The following ALPK2 variants were observed in gnomAD, a reference collection of about 807,000 sequenced individuals.
The protein encoded by ALPK2 is alpha-protein kinase 2.
A neutral mutation model predicts 163.1 loss-of-function variants in ALPK2; 127 were observed. The observed-to-expected ratio is 0.78, with a 90% CI of 0.67 to 0.90. The LOEUF (loss-of-function observed/expected upper bound fraction) is 0.90. Among genes scored for constraint, ALPK2 ranks in the 40% least tolerant of loss-of-function variants. ALPK2 has a pLI of 0.00. For missense variants in ALPK2, 2,360 were observed against 2,589.6 expected (o/e 0.91, Z 1.92); for synonymous variants, 953 against 959.1 (o/e 0.99, Z 0.12).
At chr18:58,494,915 T>C (rs1338809895) in intron 12 of ALPK2, among the ~76,000 whole-genome samples, 1 of 152,200 alleles carries the variant, frequency 6.6e-6, no homozygotes, top group Non-Finnish European at 1.5e-5. Flanking sequence ...AGCTTTGACA[T>C]TCACTGGAGA....
chr18:58,611,666 T>A (rs201806737), intron 2 of ALPK2, 23 bp downstream of exon 2: 808 of 1,593,182 alleles, frequency 5.1e-4, no homozygotes, highest in Non-Finnish European at 6.6e-4. Flanking sequence ...TAGAGGGTGA[T>A]TAGCTAGTCT....
rs142220132 is a variant in ALPK2, at chr18:58,579,235, G to A, written c.1541C>T (p.Thr514Met). The change falls in exon 4 of 13, where the codon ACG becomes ATG. Residue 514 changes from threonine to methionine, a missense_variant. Physicochemically the swap from Thr to Met is moderately conservative, Grantham distance 81. Transcript: ENST00000361673. ...ENSGMSQCWETAADKRVGGKD... is the reference protein window; with the variant it reads ...ENSGMSQCWEMAADKRVGGKD... The stretch of plus-strand genomic sequence containing the variant: ...TCCCCCCACTCTCTTGTCAGCTGCC[G>A]TCTCCCAACACTGGCTCATCCCTGA... 6.8e-5 allele frequency: 110 copies of A among 1,613,758 alleles called. No individual in the cohort carries two copies. The highest frequency in any genetic ancestry group is 9.1e-5 in the Non-Finnish European group (107 of 1,179,968).
intron 1 of ALPK2, among the ~76,000 whole-genome samples, chr18:58,614,981 A>ATT (rs36032036): frequency 5.2e-4 from 73 of 140,302 alleles, no homozygotes; most frequent in Middle Eastern, 3.9e-3. Context: ...TCTATTATGG[A>ATT]TTTTTTTTTT....
At position 58,579,466 on chromosome 18, in the gene ALPK2, T is replaced by A; in HGVS notation, c.1310A>T (p.Gln437Leu). Residue 437 changes from glutamine to leucine, a missense_variant, in exon 4 of 13, where the codon CAG becomes CTG. Physicochemically the swap from Gln to Leu is moderately radical, Grantham distance 113 (BLOSUM62 -2). Transcript: ENST00000361673. ...TGMTLILGPH[Q>L]DGTSSVTEQG... Reference sequence around the variant, plus strand: ...TTCTGTCACTGAAGACGTTCCATCCTGGTGAGGTCCCAAAATGAGAGTCAT... The same window carrying A: ...TTCTGTCACTGAAGACGTTCCATCCAGGTGAGGTCCCAAAATGAGAGTCAT... 1 of 1,614,170 alleles carries A rather than the reference T, an allele frequency of 6.2e-7. No individual in the cohort carries two copies. The highest frequency in any genetic ancestry group is 8.5e-7 in the Non-Finnish European group (1 of 1,180,032).
At chr18:58,494,307 G>A (rs2051390419) in intron 12 of ALPK2, among the ~76,000 whole-genome samples, 1 of 152,180 alleles carries the variant, frequency 6.6e-6, no homozygotes, top group African/African-American at 2.4e-5. Flanking sequence ...CTGAGGCACA[G>A]GGGATGTGTT....
chr18:58,535,436 A>G lies in ALPK2; in HGVS notation c.4751T>C (p.Val1584Ala), dbSNP rs1382233986. ...EPRKRQYVFP[V>A]SQKRGTIENE... is the part of the protein sequence containing the mutation. ...CTCAATAGTTCCCCTTTTCTGTGAA[A>G]CAGGAAACACATACTGACGCTTTCT... The change falls in exon 5 of 13, where the codon GTT becomes GCT. Residue 1584 changes from valine to alanine, a missense_variant. Physicochemically the swap from Val to Ala is moderately conservative, Grantham distance 64. Transcript: ENST00000361673. The G allele has an allele frequency of 6.2e-7, 1 of 1,614,180 alleles. No individual in the cohort carries two copies. Among genetic ancestry groups the G allele is most frequent in the Middle Eastern group, 1.6e-4 (1 of 6,062 alleles).
At chr18:58,628,127 T>TA (rs1380979165) in intron 1 of ALPK2, among the ~76,000 whole-genome samples, 9 of 151,466 alleles carry the variant, frequency 5.9e-5, no homozygotes, top group Non-Finnish European at 1.2e-4. Context: ...AATTGATGGA[T>TA]TTTTTTTTGG....
intron 4 of ALPK2, among the ~76,000 whole-genome samples, chr18:58,573,523 C>T (rs2051901323): frequency 6.8e-6 from 1 of 146,980 alleles, no homozygotes; most frequent in Admixed American, 6.9e-5. Context: ...GGATTACAGG[C>T]ATGAGCCCCT....
At chr18:58,514,161 G>A (rs897362089) in intron 10 of ALPK2, among the ~76,000 whole-genome samples, 2 of 152,228 alleles carry the variant, frequency 1.3e-5, no homozygotes. Context: ...ACTGAAGTGT[G>A]TTAAGCATTT....
At position 58,580,505 on chromosome 18, in the gene ALPK2, T is replaced by C. The variant is rs1798504057; in HGVS notation, c.271A>G (p.Asn91Asp). 6.2e-7 allele frequency: 1 copy of C among 1,613,990 alleles called. No homozygotes were observed. Among genetic ancestry groups the C allele is most frequent in the Non-Finnish European group, 8.5e-7 (1 of 1,179,932 alleles). ...DAAVYQISAK[N>D]SFGMICCSAS... ...GAACAACAGATCATTCCAAAAGAGT[T>C]TTTAGCCGAGATTTGATAGACAGCA... The change falls in exon 4 of 13, where the codon AAC (asparagine) becomes GAC (aspartate). Residue 91 changes from asparagine to aspartate, a missense_variant. By Grantham distance (23) the Asn-to-Asp change is conservative. Transcript: ENST00000361673.
chr18:58,515,915 A>G (rs1199104817), intron 9 of ALPK2, among the ~76,000 whole-genome samples: 1 of 152,194 alleles, frequency 6.6e-6, no homozygotes, highest in Non-Finnish European at 1.5e-5. Flanking sequence ...GTGCCGGTGT[A>G]AACAGTGAAA....
chr18:58,519,440 C>A (rs1006308572), intron 8 of ALPK2, among the ~76,000 whole-genome samples: 2 of 152,166 alleles, frequency 1.3e-5, no homozygotes, highest in African/African-American at 4.8e-5. Flanking sequence ...AAAATCCTCA[C>A]ATTTCTAAAA....
intron 9 of ALPK2, among the ~76,000 whole-genome samples, chr18:58,515,827 T>A (rs890089965): frequency 6.6e-6 from 1 of 152,206 alleles, no homozygotes; most frequent in South Asian, 2.1e-4. Context: ...ATGTTTTAAT[T>A]GTTTTAGATG....
intron 6 of ALPK2, among the ~76,000 whole-genome samples, chr18:58,526,821 C>T (rs1363472996): frequency 6.6e-6 from 1 of 152,152 alleles, no homozygotes; most frequent in East Asian, 1.9e-4. Flanking sequence ...AACTTGCGGA[C>T]AAAGGAAGAG....
At chr18:58,542,451 T>C (rs2051694502) in intron 4 of ALPK2, among the ~76,000 whole-genome samples, 1 of 152,158 alleles carries the variant, frequency 6.6e-6, no homozygotes, top group Non-Finnish European at 1.5e-5. Flanking sequence ...GTAAAATAAA[T>C]CTGAGAAAAA....
intron 10 of ALPK2, among the ~76,000 whole-genome samples, chr18:58,504,847 G>A (rs1010290056): frequency 2.0e-5 from 3 of 152,132 alleles, no homozygotes; most frequent in Non-Finnish European, 2.9e-5. Flanking sequence ...GAGGCCTATA[G>A]GAAGTGAGGG....
Position 58,481,542 on chromosome 18 carries a change from G to A in ALPK2, c.*281C>T. 2.3e-6 allele frequency: 1 copy of A among 442,212 alleles called. No homozygotes were observed. Among genetic ancestry groups the A allele is most frequent in the East Asian group, 4.6e-5 (1 of 21,978 alleles). 27.4% of individuals were successfully genotyped at this position (442,212 alleles called of 1,614,324 possible). On this transcript the variant is annotated 3_prime_UTR_variant, in exon 13 of 13. Coordinates refer to ENST00000361673, the MANE Select transcript of ALPK2 (RefSeq NM_052947.4). The stretch of plus-strand genomic sequence containing the variant: ...AAATACACAAATATACACATGATGT[G>A]AGGTTGGTAAAAATGCTAAACATGT...
intron 12 of ALPK2, among the ~76,000 whole-genome samples, chr18:58,497,036 TC>T (rs2051404509): frequency 1.3e-5 from 2 of 152,150 alleles, no homozygotes; most frequent in Admixed American, 1.3e-4. Context: ...ACCTATTCCT[TC>T]CCGAATAAAC....
chr18:58,523,056 C>T (rs1428204428), intron 8 of ALPK2, among the ~76,000 whole-genome samples: 2 of 94,012 alleles, frequency 2.1e-5, no homozygotes, highest in Non-Finnish European at 4.1e-5. Context: ...AATGCTAACC[C>T]TCCCCCCTCC....
Sources: allele counts gnomAD v4.1 joint callset (sites outside exome capture counted in the v4.1 genomes callset), GRCh38; gene constraint gnomAD v4.1.1; transcripts MANE v1.5; gene names NCBI Gene and HGNC (gene_info 2026-07-23, HGNC 2026-07-21).